The following PDE6A variants were observed in gnomAD, a reference collection of about 807,000 sequenced individuals.
PDE6A encodes phosphodiesterase 6A, also known as rod cGMP-specific 3',5'-cyclic phosphodiesterase subunit alpha.
In PDE6A, 84 loss-of-function variants were observed where a neutral mutation model predicts 106.3. The observed-to-expected ratio is 0.79, with a 90% confidence interval of 0.66 to 0.95. The LOEUF (loss-of-function observed/expected upper bound fraction) is 0.95. Among genes scored for constraint, PDE6A ranks in the 40% least tolerant of loss-of-function variants. The probability of loss-of-function intolerance (pLI) is 0.00; values close to 1 mark genes in which losing one functional copy is unlikely to be tolerated. For missense variants in PDE6A, 1,052 were observed against 1,084.9 expected, an observed-to-expected ratio of 0.97 and a Z score of 0.43; for synonymous variants, 394 against 386.6, an observed-to-expected ratio of 1.02 and a Z score of -0.23.
At chr5:149,905,237 T>C (rs1431644898) in intron 7 of PDE6A, among the ~76,000 whole-genome samples, 1 of 152,068 alleles carries the variant, frequency 6.6e-6, no homozygotes, top group Non-Finnish European at 1.5e-5. Flanking sequence ...CTCCACCCAC[T>C]CTGTAGATGC....
In PDE6A at chr5:149,933,760, C is replaced by T. The variant is rs930264184; in HGVS notation, c.717+170G>A. 1.1e-4 allele frequency among the ~76,000 whole-genome samples: 17 copies of T among 152,330 alleles called. No homozygotes were observed. The East Asian group carries it at 3.3e-3, about 29-fold the overall frequency. The stretch of plus-strand genomic sequence containing the variant: ...TCTGTCTTGAAGCTTGTGCATATAA[C>T]CACTGTGGTATACAGCTTTACAGAC... On this transcript the variant is annotated intron_variant, in intron 3 of 21. Transcript: ENST00000255266.
At chr5:149,881,026 G>A (rs373515692) in intron 17 of PDE6A, among the ~76,000 whole-genome samples, 17 of 152,180 alleles carry the variant, frequency 1.1e-4, no homozygotes, top group African/African-American at 4.1e-4. Flanking sequence ...TCGTGCTGCT[G>A]TACTCCAGCC....
intron 8 of PDE6A, among the ~76,000 whole-genome samples, chr5:149,900,432 A>C (rs2113598983): frequency 7.3e-6 from 1 of 137,028 alleles, no homozygotes; most frequent in Admixed American, 8.3e-5. Flanking sequence ...AATGTGCAAG[A>C]AACTGAGCTA....
At chr5:149,875,479 TACTG>T (rs144154551) in intron 17 of PDE6A, among the ~76,000 whole-genome samples, 2,348 of 151,526 alleles carry the variant, frequency 0.015, 59 homozygotes, top group African/African-American at 0.052. Flanking sequence ...ACATTATACA[TACTG>T]ACTATTTTTT....
In PDE6A at chr5:149,883,518, T is replaced by C. The variant is rs775420166; in HGVS notation, c.2046A>G (p.Gln682=). The C allele has an allele frequency of 3.7e-6, 6 of 1,612,598 alleles. No homozygotes were observed. Among genetic ancestry groups the C allele is most frequent in the African/African-American group, 2.7e-5 (2 of 74,918 alleles). ...ALYFKKRTMF[Q]KIVDQSKTYE... ...ATGTCTTAGACTGATCCACGATCTT[T>C]TGGAACATCGTCCTCTTCCTACAAA... The change falls in exon 17 of 22, where the codon CAA becomes CAG. Residue 682 remains glutamine (Q), a synonymous_variant. Coordinates refer to ENST00000255266, the MANE Select transcript of PDE6A (RefSeq NM_000440.3).
intron 17 of PDE6A, among the ~76,000 whole-genome samples, chr5:149,879,667 T>A (rs553115502): frequency 1.5e-3 from 220 of 145,378 alleles, no homozygotes; most frequent in Admixed American, 2.5e-3. Flanking sequence ...TGAGTGAGAA[T>A]ATGTGGTGTT....
chr5:149,921,613 G>C (rs752670093), intron 5 of PDE6A, 22 bp downstream of exon 5: 2 of 1,587,642 alleles, frequency 1.3e-6, no homozygotes, highest in African/African-American at 2.7e-5. Context: ...AAATCATACT[G>C]AAAAGGTCAG....
chr5:149,910,766 G>A (rs952724979), intron 6 of PDE6A, among the ~76,000 whole-genome samples: 2 of 150,794 alleles, frequency 1.3e-5, no homozygotes, highest in African/African-American at 2.4e-5. Flanking sequence ...TTAAAATGAA[G>A]TCACCTACAT....
intron 5 of PDE6A, among the ~76,000 whole-genome samples, chr5:149,915,533 C>T (rs559179411): frequency 3.9e-5 from 6 of 152,282 alleles, no homozygotes; most frequent in Middle Eastern, 3.4e-3. Flanking sequence ...CCTTCTGGTG[C>T]TCCCTGTCCT....
At chr5:149,871,626 TG>T in intron 17 of PDE6A, among the ~76,000 whole-genome samples, 2 of 151,948 alleles carry the variant, frequency 1.3e-5, no homozygotes, top group African/African-American at 4.8e-5. Context: ...GTGGGAGACC[TG>T]GTAAGAGAAG....
chr5:149,927,298 T>C (rs1396346990), intron 4 of PDE6A, among the ~76,000 whole-genome samples: 2 of 152,056 alleles, frequency 1.3e-5, no homozygotes, highest in Non-Finnish European at 2.9e-5. Context: ...AGTGAGTGAG[T>C]GGTGAGTGAA....
At chr5:149,908,238 G>A (rs1429897611) in intron 6 of PDE6A, among the ~76,000 whole-genome samples, 1 of 152,142 alleles carries the variant, frequency 6.6e-6, no homozygotes, top group East Asian at 1.9e-4. Context: ...ACTGTTGGTG[G>A]ACATCCCCCA....
intron 5 of PDE6A, among the ~76,000 whole-genome samples, chr5:149,920,356 G>A (rs540090648): frequency 5.3e-5 from 8 of 152,180 alleles, no homozygotes; most frequent in South Asian, 2.1e-4. Context: ...CGAGGTGGGC[G>A]GATCACCTGA....
At chr5:149,878,649 C>T (rs1760825172) in intron 17 of PDE6A, among the ~76,000 whole-genome samples, 1 of 152,202 alleles carries the variant, frequency 6.6e-6, no homozygotes, top group Non-Finnish European at 1.5e-5. Flanking sequence ...AACGAGGTGG[C>T]CCTTTCCCTC....
At chr5:149,913,337 C>T (rs1446945456) in intron 6 of PDE6A, among the ~76,000 whole-genome samples, 1 of 148,594 alleles carries the variant, frequency 6.7e-6, no homozygotes, top group Non-Finnish European at 1.5e-5. Context: ...AGCTGAGATT[C>T]GGCCACTGCA....
chr5:149,936,485 C>A lies in PDE6A; in HGVS notation c.475-1767G>T, dbSNP rs184827217. Among the ~76,000 whole-genome samples, 176 of 152,254 alleles carry A rather than the reference C, an allele frequency of 1.2e-3. 1 individual carries two copies. Among genetic ancestry groups the A allele is most frequent in the African/African-American group, 4.1e-3 (171 of 41,548 alleles). Reference sequence around the variant, plus strand: ...TATGCTCAGATTCATTTCATGAAGTCATTTCAGTTTCCCAATGTTCACTTC... The same window carrying A: ...TATGCTCAGATTCATTTCATGAAGTAATTTCAGTTTCCCAATGTTCACTTC... On this transcript the variant is annotated intron_variant, in intron 1 of 21. Coordinates refer to ENST00000255266, the MANE Select transcript of PDE6A (RefSeq NM_000440.3).
chr5:149,923,253 T>C (rs1408337741), intron 4 of PDE6A, among the ~76,000 whole-genome samples: 3 of 152,042 alleles, frequency 2.0e-5, no homozygotes, highest in Non-Finnish European at 1.5e-5. Context: ...ATCCCAGCCA[T>C]TTGGGAGGCT....
intron 17 of PDE6A, among the ~76,000 whole-genome samples, chr5:149,874,496 CGAA>C (rs71897075): frequency 0.077 from 11,679 of 152,098 alleles, 1,430 homozygotes; most frequent in African/African-American, 0.26. Context: ...GCCACCACCT[CGAA>C]GTATTCACCA....
At chr5:149,909,566 T>A (rs1431867622) in intron 6 of PDE6A, among the ~76,000 whole-genome samples, 3 of 152,196 alleles carry the variant, frequency 2.0e-5, no homozygotes, top group African/African-American at 7.2e-5. Context: ...CCTCTGTAAA[T>A]AAACCCTCAC....
Sources: allele counts gnomAD v4.1 joint callset (sites outside exome capture counted in the v4.1 genomes callset), GRCh38; gene constraint gnomAD v4.1.1; transcripts MANE v1.5; gene names NCBI Gene and HGNC (gene_info 2026-07-23, HGNC 2026-07-21).